WDFY3: variants seen among roughly 807,000 people sequenced by gnomAD.
WDFY3 encodes the protein WD repeat and FYVE domain-containing protein 3.
A neutral mutation model predicts 409.6 loss-of-function variants in WDFY3; 66 were observed. The observed-to-expected ratio is 0.16, with a 90% CI of 0.13 to 0.20. The LOEUF (loss-of-function observed/expected upper bound fraction) is 0.20, where lower values mean the gene tolerates loss of function less well. WDFY3 is among the 10% of genes least tolerant of loss of function. The pLI is 1.00. For missense variants in WDFY3, 3,031 were observed against 4,298.1 expected, an observed-to-expected ratio of 0.71 and a Z score of 8.24; for synonymous variants, 1,521 against 1,537.1, an observed-to-expected ratio of 0.99 and a Z score of 0.25.
intron 1 of WDFY3, among the ~76,000 whole-genome samples, chr4:84,949,036 G>T (rs1253873007): frequency 1.3e-5 from 2 of 152,086 alleles, no homozygotes; most frequent in East Asian, 1.9e-4. Context: ...CTACCAAAAA[G>T]AACTTTTCCT....
At chr4:84,839,110 A>C (rs997279785) in intron 6 of WDFY3, among the ~76,000 whole-genome samples, 1 of 152,192 alleles carries the variant, frequency 6.6e-6, no homozygotes, top group African/African-American at 2.4e-5. Context: ...ATTTTCATTT[A>C]TTGTAGATAG....
chr4:84,755,254 G>T lies in WDFY3; in HGVS notation c.5559+12C>A. ...GAATTCTCAATAGGCCTGGGCATTT[G>T]AGTGAACTTACTGAAGTCAGCATGC... On this transcript the variant is annotated intron_variant, in intron 34 of 67. Transcript: ENST00000295888. 1 of 1,610,262 alleles carries T rather than the reference G, an allele frequency of 6.2e-7. No homozygotes were observed. The highest frequency in any genetic ancestry group is 1.1e-5 in the South Asian group (1 of 90,198).
intron 14 of WDFY3, chr4:84,809,085 A>G (rs186704422): frequency 2.0e-5 from 3 of 152,350 alleles, no homozygotes; most frequent in East Asian, 1.9e-4. Context: ...GTTAAAAGCA[A>G]TAACACTTGG....
intron 57 of WDFY3, 23 bp from the exon 58 acceptor site, chr4:84,696,205 A>G: frequency 6.2e-7 from 1 of 1,610,602 alleles, no homozygotes; most frequent in South Asian, 1.1e-5. Flanking sequence ...ACATAGGTTT[A>G]GTCACTGGCT....
chr4:84,824,093 A>G (rs1475971527), intron 10 of WDFY3, among the ~76,000 whole-genome samples: 1 of 152,104 alleles, frequency 6.6e-6, no homozygotes, highest in Non-Finnish European at 1.5e-5. Flanking sequence ...AAAGGAACAA[A>G]CTTCTGATAC....
intron 2 of WDFY3, among the ~76,000 whole-genome samples, chr4:84,904,136 G>A (rs1766698160): frequency 6.6e-6 from 1 of 152,200 alleles, no homozygotes; most frequent in South Asian, 2.1e-4. Context: ...GGTCCTGTCT[G>A]TGAACCAGGA....
intron 38 of WDFY3, among the ~76,000 whole-genome samples, chr4:84,741,431 C>T (rs1437047933): frequency 6.6e-6 from 1 of 151,766 alleles, no homozygotes; most frequent in African/African-American, 2.4e-5. Flanking sequence ...TCTCCTGCCT[C>T]CACCTCCCAA....
At chr4:84,693,061 T>C in intron 58 of WDFY3, 29 bp from the exon 59 acceptor site, 3 of 1,600,306 alleles carry the variant, frequency 1.9e-6, no homozygotes, top group South Asian at 1.1e-5. Context: ...ACTCACTTTA[T>C]AATGAAAGAT....
At chr4:84,826,036 G>T (rs1218230295) in intron 10 of WDFY3, among the ~76,000 whole-genome samples, 1 of 152,072 alleles carries the variant, frequency 6.6e-6, no homozygotes, top group Non-Finnish European at 1.5e-5. Flanking sequence ...ATGAAATAAT[G>T]TAACCTCCGT....
chr4:84,892,756 T>C (rs1765119695), intron 3 of WDFY3, among the ~76,000 whole-genome samples: 1 of 152,222 alleles, frequency 6.6e-6, no homozygotes, highest in African/African-American at 2.4e-5. Context: ...TGTGTCCTTT[T>C]GGAGTTTAGA....
rs1752048613 is a variant in WDFY3 at position 84,809,167 on chromosome 4, T to C, written c.2345+720A>G. On this transcript the variant is annotated intron_variant, in intron 14 of 67. Coordinates refer to ENST00000295888, the MANE Select transcript of WDFY3 (RefSeq NM_014991.6). ...ACACAGTTGAAGCACTGAAAATAAG[T>C]GATCTAGATGAAGTGGCTCTCCTAC... 3.3e-5 allele frequency: 5 copies of C among 152,184 alleles called. No individual in the cohort carries two copies. In the South Asian group the frequency reaches 1.0e-3, roughly 32 times the overall value. 9.4% of individuals were successfully genotyped at this position (152,184 alleles called of 1,614,324 possible).
At chr4:84,845,713 T>C (rs928581336) in intron 5 of WDFY3, among the ~76,000 whole-genome samples, 1 of 152,092 alleles carries the variant, frequency 6.6e-6, no homozygotes, top group Non-Finnish European at 1.5e-5. Context: ...AAAGTCTCCA[T>C]GAATGTATTT....
intron 2 of WDFY3, among the ~76,000 whole-genome samples, chr4:84,911,525 A>G (rs1767787936): frequency 1.3e-5 from 2 of 152,142 alleles, no homozygotes; most frequent in African/African-American, 4.8e-5. Flanking sequence ...AATTACATGA[A>G]CACACATTTC....
At chr4:84,705,693 A>C (rs758973424) in intron 53 of WDFY3, among the ~76,000 whole-genome samples, 182 bp from the exon 54 acceptor site, 6 of 152,220 alleles carry the variant, frequency 3.9e-5, no homozygotes, top group Non-Finnish European at 8.8e-5. Flanking sequence ...CACTTTACAG[A>C]CAGGCACATG....
intron 36 of WDFY3, among the ~76,000 whole-genome samples, chr4:84,750,403 T>C (rs1041767901): frequency 1.3e-5 from 2 of 151,988 alleles, no homozygotes; most frequent in African/African-American, 4.8e-5. Flanking sequence ...TTCGCATGAA[T>C]AAGATAAACA....
At chr4:84,838,182 T>C (rs1024249566) in intron 6 of WDFY3, among the ~76,000 whole-genome samples, 2 of 152,342 alleles carry the variant, frequency 1.3e-5, no homozygotes, top group Middle Eastern at 6.8e-3. Context: ...TAATAATGGC[T>C]AACCTTGAAT....
chr4:84,936,197 T>C (rs1771383323), intron 1 of WDFY3, among the ~76,000 whole-genome samples: 1 of 152,168 alleles, frequency 6.6e-6, no homozygotes, highest in Non-Finnish European at 1.5e-5. Context: ...CTTATATTAA[T>C]ACTTAAAATG....
intron 2 of WDFY3, among the ~76,000 whole-genome samples, chr4:84,912,783 T>C (rs866727497): frequency 7.2e-5 from 11 of 152,186 alleles, no homozygotes; most frequent in African/African-American, 2.2e-4. Context: ...GGACATTTAT[T>C]ACTATAGAAA....
chr4:84,770,727 T>C (rs1466150584), intron 30 of WDFY3, among the ~76,000 whole-genome samples: 2 of 152,150 alleles, frequency 1.3e-5, no homozygotes, highest in African/African-American at 2.4e-5. Flanking sequence ...CAAAAGAATA[T>C]CACAAAACTT....
Sources: gnomAD v4.1 joint callset for allele counts (sites outside exome capture counted in the v4.1 genomes callset) on GRCh38, gnomAD v4.1.1 for gene constraint, MANE v1.5 for transcripts, NCBI Gene and HGNC (gene_info 2026-07-23, HGNC 2026-07-21) for gene names.